Variants in TEX46 observed in about 807,000 individuals in gnomAD.
TEX46 encodes testis expressed 46, also known as testis-expressed protein 46.
A neutral mutation model predicts 5.3 loss-of-function variants in TEX46; 6 were observed. That is an observed-to-expected ratio of 1.13 (90% CI 0.62 to 2.23). The LOEUF (loss-of-function observed/expected upper bound fraction) is 2.23. TEX46 is among the 30% of genes most tolerant of loss of function. TEX46 has a pLI of 0.00. For missense variants in TEX46, 131 were observed against 150.9 expected, an observed-to-expected ratio of 0.87 and a Z score of 0.69; for synonymous variants, 41 against 54.6, an observed-to-expected ratio of 0.75 and a Z score of 1.10.
chr1:23,014,084 G>C, intron 1 of TEX46, 39 bp from the exon 2 acceptor site: 1 of 1,526,190 alleles, frequency 6.6e-7, no homozygotes. Context: ...TTATGGCGTG[G>C]AGGCACACAG....
At chr1:23,015,435 T>TGAAA (rs1641405962) in intron 1 of TEX46, among the ~76,000 whole-genome samples, 1 of 29,778 alleles carries the variant, frequency 3.4e-5, no homozygotes, top group Non-Finnish European at 5.8e-5. Flanking sequence ...AGACTCCTTC[T>TGAAA]CAAAAAAAAA....
chr1:23,011,200 C>T, intron 2 of TEX46, 99 bp from the exon 3 acceptor site: 1 of 849,268 alleles, frequency 1.2e-6, no homozygotes, highest in Non-Finnish European at 1.9e-6. Flanking sequence ...TTCTCTTCCT[C>T]CTTTTAAGCT....
At chr1:23,013,747 A>G in intron 2 of TEX46, 136 bp downstream of exon 2, 1 of 751,822 alleles carries the variant, frequency 1.3e-6, no homozygotes, top group Non-Finnish European at 2.1e-6. Flanking sequence ...GAAGCTGTAG[A>G]GTGGTGGTTT....
Position 23,015,809 on chromosome 1 carries a change from G to C in TEX46, c.-36C>G, listed in dbSNP as rs958457012. ...CAATAGTCAAATTCATAGAGGCAAA[G>C]AGTAGAATGGTGGCTGCCAGGGTCT... On this transcript the variant is annotated 5_prime_UTR_variant, in exon 1 of 3. Coordinates refer to ENST00000566855, the MANE Select transcript of TEX46 (RefSeq NM_001242521.2). 7.2e-6 allele frequency: 5 copies of C among 697,864 alleles called. No individual in the cohort carries two copies. Among genetic ancestry groups the C allele is most frequent in the Non-Finnish European group, 1.0e-5 (4 of 382,594 alleles). The allele number at this position is 697,864 out of a possible 1,614,324, so 43.2% of individuals were successfully genotyped here. A position where few individuals can be genotyped will look rare whatever the true frequency, so the allele number is the denominator to read the frequency against.
chr1:23,015,757 T>C lies in TEX46; in HGVS notation c.2+15A>G, dbSNP rs757593750. ...AGTCACAAAAAAAAAACAAATACCGTATGATTCCACTTACATGAGCTATCT... is the reference window on the plus strand; with the variant it reads ...AGTCACAAAAAAAAAACAAATACCGCATGATTCCACTTACATGAGCTATCT... On this transcript the variant is annotated intron_variant, in intron 1 of 2. Transcript: ENST00000566855. 1.2e-5 allele frequency: 8 copies of C among 695,620 alleles called. No homozygotes were observed. The highest frequency in any genetic ancestry group is 1.8e-5 in the African/African-American group (1 of 56,820). The allele number at this position is 695,620 out of a possible 1,614,324, so 43.1% of individuals were successfully genotyped here.
chr1:23,015,178 G>A (rs1360709782), intron 1 of TEX46, among the ~76,000 whole-genome samples: 4 of 150,894 alleles, frequency 2.7e-5, no homozygotes, highest in African/African-American at 7.3e-5. Context: ...AGCCAGGCAC[G>A]GTGGCTCACG....
At chr1:23,014,549 T>A (rs1309545478) in intron 1 of TEX46, among the ~76,000 whole-genome samples, 1 of 151,950 alleles carries the variant, frequency 6.6e-6, no homozygotes, top group Non-Finnish European at 1.5e-5. Flanking sequence ...ATTTTTTATT[T>A]ATTATTATTT....
intron 1 of TEX46, among the ~76,000 whole-genome samples, chr1:23,015,234 C>T (rs1641403108): frequency 6.6e-6 from 1 of 150,904 alleles, no homozygotes; most frequent in Non-Finnish European, 1.5e-5. Context: ...TGGACCACCC[C>T]AGACCAGACT....
intron 1 of TEX46, 103 bp from the exon 2 acceptor site, chr1:23,014,148 C>T: frequency 6.9e-7 from 1 of 1,440,398 alleles, no homozygotes; most frequent in Non-Finnish European, 9.1e-7. Flanking sequence ...GCCACCCACT[C>T]CTCTGAGTCA....
Position 23,015,666 on chromosome 1 carries a change from G to A in TEX46, c.2+106C>T, listed in dbSNP as rs530049944. On this transcript the variant is annotated intron_variant, in intron 1 of 2. Transcript: ENST00000566855. ...ACGCAATATTACCAGCCTTAAAAAG[G>A]AAGGAAATTCTAACATGTTACAACA... The A allele has an allele frequency of 4.2e-5, 27 of 641,862 alleles. No individual in the cohort carries two copies. The African/African-American group carries it at 4.9e-4, about 12-fold the overall frequency. The allele number at this position is 641,862 out of a possible 1,614,324, so 39.8% of individuals were successfully genotyped here. A position where few individuals can be genotyped will look rare whatever the true frequency, so the allele number is the denominator to read the frequency against.
Position 23,015,787 on chromosome 1 carries a change from T to C in TEX46, c.-14A>G, listed in dbSNP as rs1374890181. 7.2e-6 allele frequency: 5 copies of C among 696,592 alleles called. No homozygotes were observed. The highest frequency in any genetic ancestry group is 4.5e-5 in the South Asian group (3 of 66,694). 43.2% of individuals were successfully genotyped at this position (696,592 alleles called of 1,614,324 possible). ...TTCCACTTACATGAGCTATCTACAA[T>C]AGTCAAATTCATAGAGGCAAAGAGT... On this transcript the variant is annotated 5_prime_UTR_variant, in exon 1 of 3. Transcript: ENST00000566855.
At chr1:23,011,256 C>T in intron 2 of TEX46, 155 bp from the exon 3 acceptor site, 1 of 608,792 alleles carries the variant, frequency 1.6e-6, no homozygotes, top group Non-Finnish European at 2.9e-6. Context: ...ATGATAATCC[C>T]TTCCTTGCTT....
intron 1 of TEX46, 160 bp from the exon 2 acceptor site, chr1:23,014,205 A>C: frequency 7.6e-7 from 1 of 1,311,550 alleles, no homozygotes; most frequent in Non-Finnish European, 1.0e-6. Flanking sequence ...CAATAATAAT[A>C]ACTCCTCCTT....
chr1:23,015,513 A>C (rs1641408224), intron 1 of TEX46, among the ~76,000 whole-genome samples: 1 of 150,242 alleles, frequency 6.7e-6, no homozygotes, highest in Non-Finnish European at 1.5e-5. Flanking sequence ...TTCCCAAAGA[A>C]TTGAAAGCAG....
At chr1:23,014,119 C>G (rs1210401851) in intron 1 of TEX46, 74 bp from the exon 2 acceptor site, 3 of 1,474,800 alleles carry the variant, frequency 2.0e-6, no homozygotes, top group Non-Finnish European at 2.7e-6. Context: ...CCTCAGGCCC[C>G]TCCATGACAA....
Position 23,010,845 on chromosome 1 carries a change from TGGGTTTTACTGA to T in TEX46, c.*44_*55del. 1.5e-6 allele frequency: 2 copies of T among 1,342,312 alleles called. No individual in the cohort carries two copies. The highest frequency in any genetic ancestry group is 2.0e-6 in the Non-Finnish European group (2 of 985,544). 83.2% of individuals were successfully genotyped at this position (1,342,312 alleles called of 1,614,324 possible). ...CTATGAACATTCAATAGGCTGTGAC[TGGGTTTTACTGA>T]GGTAAAAGGTAACATCGGCAGAGGC... On this transcript the variant is annotated 3_prime_UTR_variant, in exon 3 of 3. Coordinates refer to ENST00000566855, the MANE Select transcript of TEX46 (RefSeq NM_001242521.2).
At position 23,011,335 on chromosome 1, in the gene TEX46, G is replaced by C. The variant is rs1451818259; in HGVS notation, c.166-234C>G. On this transcript the variant is annotated intron_variant, in intron 2 of 2. Transcript: ENST00000566855. Reference sequence around the variant, plus strand: ...CAGAGTCTCACAACTGCCTGCAAGGGGAGCATCATTGCCTCATTTTGTGGA... The same window carrying C: ...CAGAGTCTCACAACTGCCTGCAAGGCGAGCATCATTGCCTCATTTTGTGGA... 3.0e-5 allele frequency: 14 copies of C among 460,324 alleles called. No homozygotes were observed. In the East Asian group the frequency reaches 3.9e-4, roughly 13 times the overall value. The allele number at this position is 460,324 out of a possible 1,614,324, so 28.5% of individuals were successfully genotyped here. A position where few individuals can be genotyped will look rare whatever the true frequency, so the allele number is the denominator to read the frequency against.
intron 2 of TEX46, chr1:23,011,342 C>A: frequency 1.4e-5 from 6 of 426,808 alleles, no homozygotes; most frequent in Middle Eastern, 5.6e-4. Context: ...AGGGGAGCAT[C>A]ATTGCCTCAT....
In TEX46 at chr1:23,011,031, A is replaced by T; in HGVS notation, c.236T>A (p.Ile79Lys). ...CCCGTGGTGATTCATTTTATTCCATATGATGAACATCTGATTTTCTAGGAC... is the reference window on the plus strand; with the variant it reads ...CCCGTGGTGATTCATTTTATTCCATTTGATGAACATCTGATTTTCTAGGAC... ...MKVLENQMFIIWNKMNHHGRS... is the reference protein window; with the variant it reads ...MKVLENQMFIKWNKMNHHGRS... The change falls in exon 3 of 3, where the codon ATA becomes AAA. Residue 79 changes from isoleucine (I) to lysine (K), a missense_variant. Coordinates refer to ENST00000566855, the MANE Select transcript of TEX46 (RefSeq NM_001242521.2). The T allele has an allele frequency of 6.5e-7, 1 of 1,535,996 alleles. No homozygotes were observed. The highest frequency in any genetic ancestry group is 1.2e-5 in the South Asian group (1 of 84,056).
Sources: gnomAD v4.1 joint callset for allele counts (sites outside exome capture counted in the v4.1 genomes callset) on GRCh38, gnomAD v4.1.1 for gene constraint, MANE v1.5 for transcripts, NCBI Gene and HGNC (gene_info 2026-07-23, HGNC 2026-07-21) for gene names.